Variants in ATP8A2 observed in about 807,000 individuals in gnomAD.
The protein encoded by ATP8A2 is phospholipid-transporting ATPase IB.
In ATP8A2, 100 loss-of-function variants were observed where a neutral mutation model predicts 165.6. The ratio of observed to expected loss-of-function variants is 0.60; its 90% CI spans 0.51 to 0.71. ATP8A2 has a LOEUF of 0.71. ATP8A2 is among the 30% of genes least tolerant of loss of function. ATP8A2 has a pLI of 0.00. For missense variants in ATP8A2, 1,227 were observed against 1,479.5 expected (o/e 0.83, Z 2.80); for synonymous variants, 543 against 548.8 (o/e 0.99, Z 0.15).
intron 27 of ATP8A2, among the ~76,000 whole-genome samples, chr13:25,791,315 A>T (rs546223804): frequency 1.3e-5 from 2 of 152,304 alleles, no homozygotes; most frequent in East Asian, 3.9e-4. Context: ...GTTCTCAGTT[A>T]GCAGGAGCTA....
intron 24 of ATP8A2, among the ~76,000 whole-genome samples, chr13:25,591,609 G>T (rs568501173): frequency 7.4e-6 from 1 of 135,540 alleles, no homozygotes; most frequent in African/African-American, 2.8e-5. Context: ...TTTTTGAGAC[G>T]AAGTCTCACT....
chr13:26,000,131 G>A (rs2139318227), intron 35 of ATP8A2, among the ~76,000 whole-genome samples: 1 of 152,316 alleles, frequency 6.6e-6, no homozygotes, highest in East Asian at 1.9e-4. Flanking sequence ...ACAGCCTGGT[G>A]GATTGGTAGA....
At chr13:25,860,692 C>T (rs1203919503) in intron 31 of ATP8A2, 112 bp from the exon 32 acceptor site, 8 of 791,384 alleles carry the variant, frequency 1.0e-5, no homozygotes, top group Admixed American at 2.1e-5. Flanking sequence ...GCTTTCAAAC[C>T]GGAGCTGCCT....
At chr13:25,848,677 C>A (rs1951932770) in intron 30 of ATP8A2, among the ~76,000 whole-genome samples, 1 of 152,182 alleles carries the variant, frequency 6.6e-6, no homozygotes, top group African/African-American at 2.4e-5. Context: ...AGGAGCTTCA[C>A]CCGGCAGCGC....
chr13:25,654,360 A>G (rs2041880882), intron 24 of ATP8A2, among the ~76,000 whole-genome samples: 1 of 152,018 alleles, frequency 6.6e-6, no homozygotes, highest in Non-Finnish European at 1.5e-5. Flanking sequence ...TGTGTGCCAT[A>G]TGCCTGACTA....
intron 2 of ATP8A2, chr13:25,517,039 C>G (rs949395813): frequency 6.6e-6 from 1 of 151,688 alleles, no homozygotes; most frequent in Non-Finnish European, 1.5e-5. Context: ...CCTCGCCCTC[C>G]CAAAGTGCTG....
At chr13:25,636,105 G>A (rs1422657454) in intron 24 of ATP8A2, among the ~76,000 whole-genome samples, 1 of 152,144 alleles carries the variant, frequency 6.6e-6, no homozygotes, top group East Asian at 1.9e-4. Context: ...GTGGGAGTTG[G>A]TGAGAAAGAG....
At position 25,930,169 on chromosome 13, in the gene ATP8A2, C is replaced by G. The variant is rs141826041; in HGVS notation, c.3184-31406C>G. ...TTAATGCTGTTCTCCTCTCCCTCCA[C>G]GCTGACACTCTCCCCTCACTTCTGC... On this transcript the variant is annotated intron_variant, in intron 33 of 36. Coordinates refer to ENST00000381655, the MANE Select transcript of ATP8A2 (RefSeq NM_016529.6). Among the ~76,000 whole-genome samples, 655 of 152,246 alleles carry G rather than the reference C, an allele frequency of 4.3e-3. 8 individuals are homozygous for G. Among genetic ancestry groups the G allele is most frequent in the Admixed American group, 0.012 (188 of 15,302 alleles).
chr13:25,877,400 C>T (rs1410572953), intron 33 of ATP8A2, among the ~76,000 whole-genome samples: 1 of 152,132 alleles, frequency 6.6e-6, no homozygotes, highest in Non-Finnish European at 1.5e-5. Flanking sequence ...CTTAAAGCTC[C>T]AATCATGGAA....
chr13:25,888,068 A>ACCCCCCCCCCCCCCCCCCCCCCCC (rs71080210), intron 33 of ATP8A2, among the ~76,000 whole-genome samples: 1 of 105,580 alleles, frequency 9.5e-6, no homozygotes, highest in African/African-American at 3.4e-5. Context: ...AAGAACCCAG[A>ACCCCCCCCCCCCCCCCCCCCCCCC]CCCCCCCCCC....
chr13:25,731,344 AG>A (rs2043636389), intron 25 of ATP8A2, among the ~76,000 whole-genome samples: 75 of 149,648 alleles, frequency 5.0e-4, no homozygotes, highest in Non-Finnish European at 9.9e-4. Context: ...AAGGGAAAGA[AG>A]AAAGAAGGAA....
At chr13:25,978,492 A>T (rs1452299236) in intron 35 of ATP8A2, among the ~76,000 whole-genome samples, 2 of 152,144 alleles carry the variant, frequency 1.3e-5, no homozygotes, top group Non-Finnish European at 2.9e-5. Context: ...TCTACTGTTC[A>T]TTTCTCAATG....
chr13:25,835,755 G>A (rs541658365), intron 28 of ATP8A2, among the ~76,000 whole-genome samples: 10 of 152,244 alleles, frequency 6.6e-5, no homozygotes, highest in Admixed American at 6.5e-4. Flanking sequence ...GTCTTGCAAG[G>A]CACCATCTGC....
At position 25,532,270 on chromosome 13, in the gene ATP8A2, A is replaced by C; in HGVS notation, c.421-2A>C. The C allele has an allele frequency of 6.2e-7, 1 of 1,609,302 alleles. No homozygotes were observed. The highest frequency in any genetic ancestry group is 1.3e-5 in the African/African-American group (1 of 74,872). ...AAACTATTTTTTTTCTTTCTGTAAC[A>C]GAAGCGACACAAGGCAGACAATGCA... On this transcript the variant is annotated splice_acceptor_variant, in intron 4 of 36. Coordinates refer to ENST00000381655, the MANE Select transcript of ATP8A2 (RefSeq NM_016529.6). LOFTEE classifies it high-confidence loss of function.
At chr13:25,882,226 G>A (rs1003992213) in intron 33 of ATP8A2, among the ~76,000 whole-genome samples, 9 of 152,108 alleles carry the variant, frequency 5.9e-5, no homozygotes, top group South Asian at 2.1e-4. Flanking sequence ...TATCATTATC[G>A]TATTAGGAAA....
chr13:25,591,422 A>G (rs1288726655), intron 24 of ATP8A2: 1 of 454,718 alleles, frequency 2.2e-6, no homozygotes, highest in Non-Finnish European at 4.4e-6. Flanking sequence ...GATTTTTATG[A>G]CTAGCTCATT....
At chr13:25,702,101 T>C (rs1415298215) in intron 25 of ATP8A2, among the ~76,000 whole-genome samples, 1 of 152,238 alleles carries the variant, frequency 6.6e-6, no homozygotes, top group Non-Finnish European at 1.5e-5. Flanking sequence ...CTAAATTTAA[T>C]ATGTGGCTTC....
chr13:25,702,868 C>T (rs1022159528), intron 25 of ATP8A2, among the ~76,000 whole-genome samples: 1 of 152,064 alleles, frequency 6.6e-6, no homozygotes, highest in Non-Finnish European at 1.5e-5. Flanking sequence ...TTTCTCTTCT[C>T]CTTAAGTTAT....
intron 26 of ATP8A2, among the ~76,000 whole-genome samples, chr13:25,770,002 C>T (rs1460185300): frequency 6.6e-6 from 1 of 152,136 alleles, no homozygotes; most frequent in Non-Finnish European, 1.5e-5. Context: ...ATATCTGAGA[C>T]CACCTTTGCA....
Sources: allele counts gnomAD v4.1 joint callset (sites outside exome capture counted in the v4.1 genomes callset), GRCh38; gene constraint gnomAD v4.1.1; transcripts MANE v1.5; gene names NCBI Gene and HGNC (gene_info 2026-07-23, HGNC 2026-07-21).